JAZF1: variants seen among roughly 807,000 people sequenced by gnomAD.
JAZF1 encodes juxtaposed with another zinc finger protein 1.
In JAZF1, 8 loss-of-function variants were observed where a neutral mutation model predicts 26.4. That is an observed-to-expected ratio of 0.30 (90% CI 0.18 to 0.55). JAZF1 has a LOEUF of 0.55. Among genes scored for constraint, JAZF1 ranks in the 20% least tolerant of loss-of-function variants. The pLI is 0.94. For synonymous variants in JAZF1, 126 were observed against 122.3 expected (o/e 1.03, Z -0.20); for missense variants, 199 against 322.0 (o/e 0.62, Z 2.92).
chr7:28,168,867 G>A (rs1783410630), intron 1 of JAZF1, among the ~76,000 whole-genome samples: 1 of 152,194 alleles, frequency 6.6e-6, no homozygotes, highest in Non-Finnish European at 1.5e-5. Flanking sequence ...AACCCAATGA[G>A]TTCCCAACCT....
chr7:28,004,628 A>G (rs779944613), intron 1 of JAZF1, among the ~76,000 whole-genome samples: 2 of 152,154 alleles, frequency 1.3e-5, no homozygotes, highest in Admixed American at 6.5e-5. Context: ...TAAAAGTTGT[A>G]TAAGTCCGAC....
At chr7:28,090,493 A>G (rs1243585572) in intron 1 of JAZF1, among the ~76,000 whole-genome samples, 4 of 152,262 alleles carry the variant, frequency 2.6e-5, no homozygotes, top group African/African-American at 9.6e-5. Flanking sequence ...TTACATGCCA[A>G]AAGGAAATTA....
chr7:28,002,624 A>G (rs4719919), intron 1 of JAZF1, among the ~76,000 whole-genome samples: 104,898 of 152,134 alleles, frequency 0.69, 39,938 homozygotes, highest in Non-Finnish European at 0.88. Flanking sequence ...TTTGAAACTA[A>G]AACTTGCATT....
intron 3 of JAZF1, among the ~76,000 whole-genome samples, chr7:27,858,512 T>C (rs529060269): frequency 2.3e-3 from 352 of 152,218 alleles, no homozygotes; most frequent in African/African-American, 8.1e-3. Flanking sequence ...CAAAACAGCA[T>C]GGTACGGATG....
intron 1 of JAZF1, among the ~76,000 whole-genome samples, chr7:28,127,646 T>G (rs944272127): frequency 2.0e-5 from 3 of 152,164 alleles, no homozygotes; most frequent in African/African-American, 7.2e-5. Context: ...ATTCTCACAC[T>G]GCTAATAAAG....
intron 1 of JAZF1, among the ~76,000 whole-genome samples, chr7:28,079,347 T>C (rs1408473264): frequency 2.6e-5 from 4 of 152,136 alleles, no homozygotes. Context: ...CCAAATTCCA[T>C]CACAGCAACC....
At chr7:28,092,283 C>T (rs1220693471) in intron 1 of JAZF1, among the ~76,000 whole-genome samples, 1 of 9,060 alleles carries the variant, frequency 1.1e-4, no homozygotes, top group African/African-American at 5.7e-4. Flanking sequence ...ATTTCAGGGA[C>T]AAAAGGCAAA....
intron 1 of JAZF1, among the ~76,000 whole-genome samples, chr7:28,100,692 T>A (rs1562587337): frequency 1.3e-5 from 2 of 151,928 alleles, no homozygotes; most frequent in African/African-American, 4.8e-5. Flanking sequence ...CTTAAAGAAG[T>A]ATAAGAAAGG....
intron 1 of JAZF1, among the ~76,000 whole-genome samples, chr7:28,082,674 C>T (rs1463816190): frequency 6.6e-6 from 1 of 152,190 alleles, no homozygotes; most frequent in African/African-American, 2.4e-5. Flanking sequence ...CCACCAGACA[C>T]CCATGAGCCA....
chr7:28,159,477 A>C (rs537497129), intron 1 of JAZF1, among the ~76,000 whole-genome samples: 2 of 151,944 alleles, frequency 1.3e-5, no homozygotes, highest in East Asian at 1.9e-4. Flanking sequence ...GGAAGGCGGG[A>C]GGTGGGACCT....
chr7:28,082,591 G>A (rs1236996739), intron 1 of JAZF1, among the ~76,000 whole-genome samples: 2 of 151,988 alleles, frequency 1.3e-5, no homozygotes, highest in African/African-American at 2.4e-5. Context: ...AGCTCCCCAC[G>A]CTGCAGTATG....
intron 1 of JAZF1, among the ~76,000 whole-genome samples, chr7:28,024,208 C>T (rs1347824472): frequency 3.3e-5 from 5 of 152,090 alleles, no homozygotes; most frequent in African/African-American, 7.2e-5. Context: ...GGCGGAAGGA[C>T]TGCTTAAGCC....
chr7:28,172,694 G>T (rs1248766146), intron 1 of JAZF1, among the ~76,000 whole-genome samples: 1 of 152,112 alleles, frequency 6.6e-6, no homozygotes, highest in Non-Finnish European at 1.5e-5. Flanking sequence ...CCATCCCACA[G>T]CAGATGTCAT....
chr7:28,118,786 A>ACACACG (rs1784790353), intron 1 of JAZF1, among the ~76,000 whole-genome samples: 1 of 151,200 alleles, frequency 6.6e-6, no homozygotes, highest in Non-Finnish European at 1.5e-5. Flanking sequence ...ACACACACAC[A>ACACACG]CACACAACAC....
intron 3 of JAZF1, among the ~76,000 whole-genome samples, chr7:27,889,674 G>A (rs1946838771): frequency 6.6e-6 from 1 of 152,206 alleles, no homozygotes; most frequent in African/African-American, 2.4e-5. Flanking sequence ...GCTCACGCCT[G>A]TAATCCCAGC....
chr7:28,119,285 G>A (rs1404215422), intron 1 of JAZF1, among the ~76,000 whole-genome samples: 3 of 152,088 alleles, frequency 2.0e-5, no homozygotes, highest in African/African-American at 7.2e-5. Context: ...GAGATGATTT[G>A]CCCTTATATC....
intron 1 of JAZF1, among the ~76,000 whole-genome samples, chr7:27,995,290 T>C (rs959230104): frequency 2.6e-5 from 4 of 152,218 alleles, no homozygotes; most frequent in African/African-American, 9.7e-5. Context: ...TAAAAGCACT[T>C]GGTTTTTTCA....
intron 3 of JAZF1, among the ~76,000 whole-genome samples, chr7:27,884,668 T>C (rs1225981307): frequency 2.6e-5 from 4 of 152,214 alleles, no homozygotes; most frequent in Non-Finnish European, 5.9e-5. Flanking sequence ...GATTCATCCA[T>C]TTGTTGTGTG....
In JAZF1 at chr7:27,985,897, T is replaced by C. The variant is rs187037792; in HGVS notation, c.188+6012A>G. On this transcript the variant is annotated intron_variant, in intron 2 of 4. Transcript: ENST00000283928. ...AAGCAGAAAAGGCCTTTGACAAAAT[T>C]CAACAGCCCTTTATGCTAAAAACTC... Among the ~76,000 whole-genome samples the C allele has an allele frequency of 8.8e-4, 134 of 152,244 alleles. No homozygotes were observed. In the East Asian group the frequency reaches 9.5e-3, roughly 11 times the overall value.
Sources: gnomAD v4.1 joint callset for allele counts (sites outside exome capture counted in the v4.1 genomes callset) on GRCh38, gnomAD v4.1.1 for gene constraint, MANE v1.5 for transcripts, NCBI Gene and HGNC (gene_info 2026-07-23, HGNC 2026-07-21) for gene names.